The following CCDC66 variants were observed in gnomAD, a reference collection of about 807,000 sequenced individuals.
CCDC66 encodes coiled-coil domain-containing protein 66.
A neutral mutation model predicts 128.3 loss-of-function variants in CCDC66; 133 were observed. The observed-to-expected ratio is 1.04, with a 90% CI of 0.90 to 1.20. The LOEUF (loss-of-function observed/expected upper bound fraction) is 1.20, where lower values mean the gene tolerates loss of function less well. Ranked by LOEUF, CCDC66 falls within the 50% of genes most tolerant of loss-of-function variation. The pLI is 0.00. For synonymous variants in CCDC66, 387 were observed against 357.0 expected (o/e 1.08, Z -0.95); for missense variants, 1,126 against 1,075.5 (o/e 1.05, Z -0.66).
chr3:56,620,034 T>G, intron 17 of CCDC66, 133 bp downstream of exon 17: 1 of 927,370 alleles, frequency 1.1e-6, no homozygotes, highest in Non-Finnish European at 1.6e-6. Flanking sequence ...AGTTCCTGTA[T>G]GTTTGTTAGA....
chr3:56,571,386 A>AG, intron 7 of CCDC66, 84 bp downstream of exon 7: 2 of 1,094,996 alleles, frequency 1.8e-6, no homozygotes, highest in Admixed American at 5.7e-5. Context: ...TAAAAAAAAA[A>AG]AGTTTTTTTT....
In CCDC66 at chr3:56,558,828, T is replaced by C. The variant is rs1273601469; in HGVS notation, c.12-18T>C. The C allele has an allele frequency of 6.5e-7, 1 of 1,531,424 alleles. No individual in the cohort carries two copies. Among genetic ancestry groups the C allele is most frequent in the Non-Finnish European group, 8.8e-7 (1 of 1,130,246 alleles). 94.9% of individuals were successfully genotyped at this position (1,531,424 alleles called of 1,614,324 possible). On this transcript the variant is annotated intron_variant, in intron 1 of 17. Transcript: ENST00000394672. The stretch of plus-strand genomic sequence containing the variant: ...CGGTTTGTTAAAAATGAGAGACAAC[T>C]TTCTTTTTTTATTACAGAGATGGTT...
chr3:56,594,575 C>T (rs966066160), intron 10 of CCDC66, among the ~76,000 whole-genome samples: 1 of 151,588 alleles, frequency 6.6e-6, no homozygotes, highest in Non-Finnish European at 1.5e-5. Flanking sequence ...CCCAGCTACT[C>T]GGGAGGCTGA....
chr3:56,587,752 C>T (rs928832007), intron 7 of CCDC66, among the ~76,000 whole-genome samples: 1 of 152,094 alleles, frequency 6.6e-6, no homozygotes, highest in African/African-American at 2.4e-5. Flanking sequence ...GCCTGTAATC[C>T]CAGCTACTCA....
At chr3:56,591,002 C>T (rs550854364) in intron 7 of CCDC66, among the ~76,000 whole-genome samples, 10 of 152,324 alleles carry the variant, frequency 6.6e-5, no homozygotes, top group African/African-American at 1.9e-4. Context: ...CAACTAAATG[C>T]ATGCAGTAAA....
At position 56,566,665 on chromosome 3, in the gene CCDC66, A is replaced by G. The variant is rs771615087; in HGVS notation, c.616A>G (p.Lys206Glu). The change falls in exon 5 of 18, where the codon AAA (lysine) becomes GAA (glutamate). Residue 206 changes from lysine to glutamate, a missense_variant. Coordinates refer to ENST00000394672, the MANE Select transcript of CCDC66 (RefSeq NM_001141947.3). ...KDENIMGLFK[K>E]TEMVSSVPAE... ...TGAGAACATTATGGGATTATTCAAA[A>G]AAACTGAAATGGTTTCATCTGTCCC... is the stretch of plus-strand genomic sequence containing the variant. 1 of 1,611,002 alleles carries G rather than the reference A, an allele frequency of 6.2e-7. No homozygotes were observed. Among genetic ancestry groups the G allele is most frequent in the East Asian group, 2.2e-5 (1 of 44,794 alleles).
Position 56,584,307 on chromosome 3 carries a change from C to T in CCDC66, c.937-8663C>T, listed in dbSNP as rs182220333. On this transcript the variant is annotated intron_variant, in intron 7 of 17. Transcript: ENST00000394672. The stretch of plus-strand genomic sequence containing the variant: ...CTCACTTCTCAGACGGGGTGGCTGC[C>T]GGGCGGAGGGGTTCTTCACTTCTCA... 2.0e-3 allele frequency among the ~76,000 whole-genome samples: 278 copies of T among 139,718 alleles called. 23 individuals carry two copies. In the East Asian group the frequency reaches 0.061, roughly 31 times the overall value. 91.7% of individuals were successfully genotyped at this position (139,718 alleles called of 152,430 possible). A position where few individuals can be genotyped will look rare whatever the true frequency, so the allele number is the denominator to read the frequency against.
At position 56,557,260 on chromosome 3, in the gene CCDC66, A is replaced by AGGGGTAAGCAGGGGTAAGCT. The variant is rs770725111; in HGVS notation, c.11+16_11+17insAGGGGTAAGCTGGGGTAAGC. 217 of 1,549,346 alleles carry AGGGGTAAGCAGGGGTAAGCT rather than the reference A, an allele frequency of 1.4e-4. 1 individual carries two copies. The highest frequency in any genetic ancestry group is 1.4e-3 in the South Asian group (115 of 83,972). On this transcript the variant is annotated splice_region_variant and intron_variant, in intron 1 of 17. Coordinates refer to ENST00000394672, the MANE Select transcript of CCDC66 (RefSeq NM_001141947.3). ...GTCAGGCCATGAACTTGGGGTAAGC[A>AGGGGTAAGCAGGGGTAAGCT]GGGGTAAGCTGGGGTAAGCTGGGGT...
intron 7 of CCDC66, among the ~76,000 whole-genome samples, chr3:56,592,371 A>G (rs765952964): frequency 6.6e-6 from 1 of 152,086 alleles, no homozygotes; most frequent in Non-Finnish European, 1.5e-5. Context: ...TTGAAAAACA[A>G]TATTTTTGAG....
Position 56,621,718 on chromosome 3 carries a change from A to AT in CCDC66, c.*107dup, listed in dbSNP as rs1330006692. The AT allele has an allele frequency of 7.1e-6, 5 of 702,580 alleles. No homozygotes were observed. Among genetic ancestry groups the AT allele is most frequent in the African/African-American group, 3.7e-5 (2 of 54,616 alleles). The allele number at this position is 702,580 out of a possible 1,614,324, so 43.5% of individuals were successfully genotyped here. A position where few individuals can be genotyped will look rare whatever the true frequency, so the allele number is the denominator to read the frequency against. ...TTTTTCAAATAGCCTAGATTTACTT[A>AT]TTTTTTTAAATGCTCATTAAAAACT... On this transcript the variant is annotated 3_prime_UTR_variant, in exon 18 of 18. Coordinates refer to ENST00000394672, the MANE Select transcript of CCDC66 (RefSeq NM_001141947.3).
At chr3:56,557,470 A>G (rs1257752158) in intron 1 of CCDC66, among the ~76,000 whole-genome samples, 1 of 152,054 alleles carries the variant, frequency 6.6e-6, no homozygotes, top group East Asian at 1.9e-4. Flanking sequence ...CTTAATGACT[A>G]GCATTAAAAC....
chr3:56,579,281 A>G (rs1227391117), intron 7 of CCDC66, among the ~76,000 whole-genome samples: 2 of 151,680 alleles, frequency 1.3e-5, no homozygotes, highest in African/African-American at 4.8e-5. Context: ...TATTGCATCT[A>G]TTTGATTCTT....
chr3:56,592,521 G>A (rs1205241954), intron 7 of CCDC66, among the ~76,000 whole-genome samples: 1 of 111,588 alleles, frequency 9.0e-6, no homozygotes, highest in Admixed American at 1.1e-4. Flanking sequence ...ACCACAGCTG[G>A]CTAATTTTTT....
In CCDC66 at chr3:56,613,688, C is replaced by T. The variant is rs750021622; in HGVS notation, c.1504C>T (p.Gln502Ter). The change falls in exon 11 of 18, where the codon CAG (glutamine) becomes TAG (stop). Residue 502 changes from glutamine to a stop codon, truncating the protein, a stop_gained. Coordinates refer to ENST00000394672, the MANE Select transcript of CCDC66 (RefSeq NM_001141947.3). LOFTEE classifies it high-confidence loss of function. Reference protein sequence around the residue: ...EEQEEELRLAQEREEMQKQYE... With the variant: ...EEQEEELRLA ...ACAAGAAGAGGAGCTTCGCTTAGCA[C>T]AGGAACGTGAAGAGATGCAGAAACA... The T allele has an allele frequency of 9.3e-6, 15 of 1,614,036 alleles. No individual in the cohort carries two copies. The highest frequency in any genetic ancestry group is 1.6e-4 in the Middle Eastern group (1 of 6,062).
In CCDC66 at chr3:56,571,296, A is replaced by T. The variant is rs140174274; in HGVS notation, c.930A>T (p.Gln310His). Residue 310 changes from glutamine (Q) to histidine (H), a missense_variant, in exon 7 of 18, where the codon CAA becomes CAT. Gln to His is a conservative substitution (Grantham distance 24, BLOSUM62 0). Transcript: ENST00000394672. ...IIWEKHQILD[Q>H]SRETVLLEHP... ...GGGAAAAACATCAAATTCTTGACCA[A>T]TCTAGGGTAAGACATCTTAATTGCA... The T allele has an allele frequency of 2.0e-6, 3 of 1,514,936 alleles. No individual in the cohort carries two copies. The highest frequency in any genetic ancestry group is 2.7e-6 in the Non-Finnish European group (3 of 1,108,784). 93.8% of individuals were successfully genotyped at this position (1,514,936 alleles called of 1,614,324 possible).
intron 3 of CCDC66, among the ~76,000 whole-genome samples, chr3:56,563,221 C>G (rs1357696594): frequency 6.6e-6 from 1 of 151,782 alleles, no homozygotes; most frequent in Non-Finnish European, 1.5e-5. Context: ...ACTAGCCAGG[C>G]TTGGTGGTGG....
chr3:56,584,983 T>C (rs1217419562), intron 7 of CCDC66, among the ~76,000 whole-genome samples: 1 of 151,612 alleles, frequency 6.6e-6, no homozygotes, highest in Non-Finnish European at 1.5e-5. Flanking sequence ...TCGCAGGCAC[T>C]CGGCAGGCTG....
chr3:56,602,140 T>C (rs906083746), intron 10 of CCDC66, among the ~76,000 whole-genome samples: 3 of 152,080 alleles, frequency 2.0e-5, no homozygotes, highest in African/African-American at 7.3e-5. Flanking sequence ...TTAGATACGT[T>C]CCATCAATAC....
At chr3:56,615,889 G>C in intron 12 of CCDC66, 33 bp from the exon 13 acceptor site, 1 of 1,548,390 alleles carries the variant, frequency 6.5e-7, no homozygotes, top group East Asian at 2.4e-5. Context: ...TATTCCTTAA[G>C]TGTTGTTTTA....
Sources: allele counts gnomAD v4.1 joint callset (sites outside exome capture counted in the v4.1 genomes callset), GRCh38; gene constraint gnomAD v4.1.1; transcripts MANE v1.5; gene names NCBI Gene and HGNC (gene_info 2026-07-23, HGNC 2026-07-21).